Variants in TRAPPC8 observed in about 807,000 individuals in gnomAD.
The protein encoded by TRAPPC8 is trafficking protein particle complex subunit 8.
In TRAPPC8, 54 loss-of-function variants were observed where a neutral mutation model predicts 174.3. The observed-to-expected ratio is 0.31, with a 90% CI of 0.25 to 0.39. The LOEUF (loss-of-function observed/expected upper bound fraction) is 0.39. Among genes scored for constraint, TRAPPC8 ranks in the 10% least tolerant of loss-of-function variants. The pLI is 1.00. For missense variants in TRAPPC8, 1,531 were observed against 1,699.1 expected, an observed-to-expected ratio of 0.90 and a Z score of 1.74; for synonymous variants, 630 against 579.9, an observed-to-expected ratio of 1.09 and a Z score of -1.24.
intron 2 of TRAPPC8, among the ~76,000 whole-genome samples, chr18:31,927,707 T>G (rs957129999): frequency 6.6e-6 from 1 of 152,138 alleles, no homozygotes; most frequent in Admixed American, 6.6e-5. Flanking sequence ...CTGGCCTTAA[T>G]AAATTAAAAG....
chr18:31,909,086 G>GAAA, intron 6 of TRAPPC8, 76 bp from the exon 7 acceptor site: 4 of 958,604 alleles, frequency 4.2e-6, no homozygotes, highest in East Asian at 3.5e-5. Context: ...TACTGCTAAA[G>GAAA]AAAAAAAAAA....
intron 27 of TRAPPC8, among the ~76,000 whole-genome samples, chr18:31,837,376 A>G (rs528022616): frequency 6.6e-6 from 1 of 152,238 alleles, no homozygotes; most frequent in South Asian, 2.1e-4. Context: ...GAATATTCAC[A>G]GCAGAATTCA....
At chr18:31,930,601 CAGTT>C (rs765497058) in intron 2 of TRAPPC8, among the ~76,000 whole-genome samples, 11 of 152,106 alleles carry the variant, frequency 7.2e-5, no homozygotes, top group African/African-American at 1.7e-4. Context: ...TATTGGAAAA[CAGTT>C]AGACCAAATA....
intron 9 of TRAPPC8, among the ~76,000 whole-genome samples, chr18:31,906,098 C>T (rs1357636674): frequency 1.3e-5 from 2 of 150,522 alleles, no homozygotes; most frequent in Admixed American, 6.6e-5. Context: ...GTTGGCCGGG[C>T]ACAGTACATT....
intron 27 of TRAPPC8, among the ~76,000 whole-genome samples, chr18:31,836,758 CTTTTTTTTT>C (rs68104803): frequency 3.3e-5 from 3 of 89,872 alleles, no homozygotes; most frequent in Non-Finnish European, 6.4e-5. Flanking sequence ...ATCTTTCAGT[CTTTTTTTTT>C]TTTTTTTTTT....
intron 5 of TRAPPC8, among the ~76,000 whole-genome samples, chr18:31,912,883 TTTGGGAAG>T (rs2036978457): frequency 6.6e-6 from 1 of 152,096 alleles, no homozygotes; most frequent in Non-Finnish European, 1.5e-5. Context: ...ACCCTAACAC[TTTGGGAAG>T]TTAAGGTGGG....
intron 12 of TRAPPC8, among the ~76,000 whole-genome samples, chr18:31,883,920 G>T (rs1032914337): frequency 1.2e-4 from 18 of 152,226 alleles, no homozygotes; most frequent in Non-Finnish European, 1.0e-4. Flanking sequence ...CGAGCGTGGT[G>T]ACTTACACCT....
rs182474110 is a variant in TRAPPC8, at chr18:31,942,298, C to A, written c.157+310G>T. Among the ~76,000 whole-genome samples, 336 of 152,338 alleles carry A rather than the reference C, an allele frequency of 2.2e-3. 1 individual carries two copies. The highest frequency in any genetic ancestry group is 3.4e-3 in the Middle Eastern group (1 of 294). ...CAAGTGCCTAATTCCTTCGCTATGG[C>A]CGTGGAGAACAGTCTCAATGCCGTT... On this transcript the variant is annotated intron_variant, in intron 1 of 28. Coordinates refer to ENST00000283351, the MANE Select transcript of TRAPPC8 (RefSeq NM_014939.5).
intron 19 of TRAPPC8, among the ~76,000 whole-genome samples, chr18:31,858,984 T>C (rs545062048): frequency 4.2e-4 from 64 of 152,168 alleles, no homozygotes; most frequent in African/African-American, 1.4e-3. Context: ...TTCCAGCTAC[T>C]GGGGAGGCTG....
intron 19 of TRAPPC8, among the ~76,000 whole-genome samples, chr18:31,862,712 T>C (rs1289167890): frequency 1.3e-5 from 2 of 152,122 alleles, no homozygotes; most frequent in Non-Finnish European, 2.9e-5. Flanking sequence ...TTCATGAGTA[T>C]GTTACCTATA....
intron 2 of TRAPPC8, among the ~76,000 whole-genome samples, chr18:31,922,815 C>T (rs1051318580): frequency 2.6e-5 from 4 of 151,416 alleles, no homozygotes; most frequent in African/African-American, 7.3e-5. Flanking sequence ...CCCAGGAGTT[C>T]GAGACCAGCC....
chr18:31,916,570 T>C lies in TRAPPC8; in HGVS notation c.443-124A>G, dbSNP rs1598735046. 13 of 983,748 alleles carry C rather than the reference T, an allele frequency of 1.3e-5. No individual in the cohort carries two copies. In the East Asian group the frequency reaches 3.8e-4, roughly 29 times the overall value. The allele number at this position is 983,748 out of a possible 1,614,324, so 60.9% of individuals were successfully genotyped here. A position where few individuals can be genotyped will look rare whatever the true frequency, so the allele number is the denominator to read the frequency against. ...GTTTCTGAGACAAAGTCTCACTCTG[T>C]AGCCCAGGCTGGAGAGCAGTGGCGT... On this transcript the variant is annotated intron_variant, in intron 3 of 28. Coordinates refer to ENST00000283351, the MANE Select transcript of TRAPPC8 (RefSeq NM_014939.5).
intron 27 of TRAPPC8, among the ~76,000 whole-genome samples, chr18:31,838,674 A>G (rs144428849): frequency 2.0e-5 from 3 of 152,328 alleles, no homozygotes; most frequent in Non-Finnish European, 4.4e-5. Context: ...GTCAGATCCA[A>G]TGACCTTTTG....
At chr18:31,895,292 A>G (rs1242779391) in intron 11 of TRAPPC8, among the ~76,000 whole-genome samples, 1 of 152,214 alleles carries the variant, frequency 6.6e-6, no homozygotes, top group Non-Finnish European at 1.5e-5. Context: ...TTGTTGGTAA[A>G]GATTTAACAT....
chr18:31,856,742 C>G (rs531466415), intron 20 of TRAPPC8, among the ~76,000 whole-genome samples: 35 of 151,858 alleles, frequency 2.3e-4, no homozygotes, highest in African/African-American at 8.2e-4. Context: ...TATATACAGC[C>G]GCTCCCTAGA....
intron 6 of TRAPPC8, 75 bp from the exon 7 acceptor site, chr18:31,909,085 A>AC: frequency 2.3e-6 from 3 of 1,333,030 alleles, no homozygotes; most frequent in Non-Finnish European, 3.0e-6. Flanking sequence ...ATACTGCTAA[A>AC]GAAAAAAAAA....
At position 31,849,708 on chromosome 18, in the gene TRAPPC8, A is replaced by T; in HGVS notation, c.3593T>A (p.Phe1198Tyr). Residue 1198 changes from phenylalanine to tyrosine, a missense_variant, in exon 25 of 29, where the codon TTC (phenylalanine) becomes TAC (tyrosine). By Grantham distance (22) the Phe-to-Tyr change is conservative (BLOSUM62 3). Transcript: ENST00000283351. ...IISSASPCAD[F>Y]FYRSLSSELK... ...TTCAGAAGATAAACTTCGATAAAAGAAGTCTGCACATGGGCTTGCTGAACT... is the reference window on the plus strand; with the variant it reads ...TTCAGAAGATAAACTTCGATAAAAGTAGTCTGCACATGGGCTTGCTGAACT... 1 of 1,610,288 alleles carries T rather than the reference A, an allele frequency of 6.2e-7. No individual in the cohort carries two copies. The highest frequency in any genetic ancestry group is 8.5e-7 in the Non-Finnish European group (1 of 1,178,142).
intron 1 of TRAPPC8, among the ~76,000 whole-genome samples, chr18:31,942,065 G>A (rs1023688184): frequency 2.0e-5 from 3 of 152,276 alleles, no homozygotes; most frequent in East Asian, 3.9e-4. Flanking sequence ...TTCTTGAGAG[G>A]TTAAGCAAAA....
At chr18:31,921,643 C>CT (rs1318857475) in intron 2 of TRAPPC8, among the ~76,000 whole-genome samples, 2 of 150,434 alleles carry the variant, frequency 1.3e-5, no homozygotes, top group African/African-American at 4.9e-5. Flanking sequence ...AAAAAGTTAT[C>CT]TTTGAGATTT....
Sources: gnomAD v4.1 joint callset for allele counts (sites outside exome capture counted in the v4.1 genomes callset) on GRCh38, gnomAD v4.1.1 for gene constraint, MANE v1.5 for transcripts, NCBI Gene and HGNC (gene_info 2026-07-23, HGNC 2026-07-21) for gene names.